Variants in RYR3 observed in about 807,000 individuals in gnomAD.
The protein encoded by RYR3 is ryanodine receptor 3, also known as brain ryanodine receptor-calcium release channel.
Under a neutral mutation model 584.3 loss-of-function variants are expected in RYR3, and 207 were observed. The observed-to-expected ratio is 0.35, with a 90% CI of 0.32 to 0.40. The LOEUF is 0.40. Among genes scored for constraint, RYR3 ranks in the 10% least tolerant of loss-of-function variants. The pLI is 1.00. For synonymous variants in RYR3, 2,416 were observed against 2,248.5 expected, an observed-to-expected ratio of 1.07 and a Z score of -2.11; for missense variants, 5,616 against 6,089.2, an observed-to-expected ratio of 0.92 and a Z score of 2.59.
intron 1 of RYR3, among the ~76,000 whole-genome samples, chr15:33,439,259 T>C (rs2676024): frequency 0.26 from 39,114 of 152,120 alleles, 7,634 homozygotes; most frequent in African/African-American, 0.55. Flanking sequence ...ATTGTATAGT[T>C]TTCATATGAC....
intron 38 of RYR3, among the ~76,000 whole-genome samples, chr15:33,686,427 ATAAT>A (rs1405841402): frequency 1.3e-5 from 2 of 152,202 alleles, no homozygotes; most frequent in Non-Finnish European, 2.9e-5. Context: ...AATTGAGGTA[ATAAT>A]TAATAGCCTA....
At chr15:33,443,439 A>G (rs2046385939) in intron 1 of RYR3, among the ~76,000 whole-genome samples, 1 of 152,212 alleles carries the variant, frequency 6.6e-6, no homozygotes, top group African/African-American at 2.4e-5. Context: ...CCCAAGTTGT[A>G]AACAATGGCT....
At chr15:33,591,271 C>G (rs182265480) in intron 16 of RYR3, among the ~76,000 whole-genome samples, 4 of 152,224 alleles carry the variant, frequency 2.6e-5, no homozygotes, top group African/African-American at 9.6e-5. Flanking sequence ...TTGGTCTCCT[C>G]TCTTATGATT....
chr15:33,500,541 G>T (rs914696260), intron 2 of RYR3, among the ~76,000 whole-genome samples: 1 of 152,194 alleles, frequency 6.6e-6, no homozygotes, highest in Non-Finnish European at 1.5e-5. Context: ...AAGGTTTCCT[G>T]TAGGACATTT....
At chr15:33,781,633 C>T (rs1221012456) in intron 65 of RYR3, among the ~76,000 whole-genome samples, 1 of 152,090 alleles carries the variant, frequency 6.6e-6, no homozygotes, top group African/African-American at 2.4e-5. Flanking sequence ...AGCACATTGC[C>T]CCCCAGAAAT....
chr15:33,636,549 T>C lies in RYR3; in HGVS notation c.3555T>C (p.Asn1185=). ...CCTTCGCTGACTACGAGATTGAGAA[T>C]GGTAAATCTAACACCCTCTGCCAAC... ...ELAFADYEIE[N]GFVPICCLGL... Residue 1185 remains asparagine, a splice_region_variant and synonymous_variant, in exon 27 of 104, where the codon AAT becomes AAC. Coordinates refer to ENST00000634891, the MANE Select transcript of RYR3 (RefSeq NM_001036.6). The C allele has an allele frequency of 6.3e-7, 1 of 1,582,016 alleles. No homozygotes were observed.
chr15:33,594,690 T>C (rs970984103), intron 16 of RYR3, among the ~76,000 whole-genome samples: 1 of 152,120 alleles, frequency 6.6e-6, no homozygotes, highest in African/African-American at 2.4e-5. Flanking sequence ...CCTGTTAGAG[T>C]CCTACAGCTG....
intron 1 of RYR3, among the ~76,000 whole-genome samples, chr15:33,464,463 G>T (rs957276444): frequency 7.6e-5 from 6 of 79,282 alleles, no homozygotes; most frequent in Non-Finnish European, 1.2e-4. Flanking sequence ...GGGAGGTGGA[G>T]ATATATATAT....
chr15:33,857,785 TCTGA>T lies in RYR3; in HGVS notation c.14017_14020del (p.Thr4673SerfsTer34), dbSNP rs778494609. On this transcript the variant is annotated frameshift_variant, in exon 99 of 104. Transcript: ENST00000634891. LOFTEE classifies it high-confidence loss of function. ...CTCTGTCCTCTCATTCCCAGTTGGTTCTGACTGTCGGTCTCCTGGCCGTGGTGGT... is the reference window on the plus strand; with the variant it reads ...CTCTGTCCTCTCATTCCCAGTTGGTTCTGTCGGTCTCCTGGCCGTGGTGGT... 8 of 1,613,932 alleles carry T rather than the reference TCTGA, an allele frequency of 5.0e-6. No homozygotes were observed. The highest frequency in any genetic ancestry group is 5.1e-6 in the Non-Finnish European group (6 of 1,179,916).
At chr15:33,783,462 T>C (rs1227957356) in intron 65 of RYR3, among the ~76,000 whole-genome samples, 1 of 152,222 alleles carries the variant, frequency 6.6e-6, no homozygotes, top group African/African-American at 2.4e-5. Flanking sequence ...GAATCACAAA[T>C]GTTTGTTCCA....
At chr15:33,801,999 C>A in intron 69 of RYR3, 38 bp downstream of exon 69, 1 of 1,244,852 alleles carries the variant, frequency 8.0e-7, no homozygotes, top group Non-Finnish European at 1.2e-6. Context: ...ACTCTTCAAC[C>A]CTAACCTCAG....
At chr15:33,542,558 A>G (rs1292328883) in intron 7 of RYR3, among the ~76,000 whole-genome samples, 1 of 152,164 alleles carries the variant, frequency 6.6e-6, no homozygotes, top group Non-Finnish European at 1.5e-5. Flanking sequence ...GAATTTTAGA[A>G]AAACTTGCCT....
chr15:33,370,363 T>C (rs2040243435), intron 1 of RYR3, among the ~76,000 whole-genome samples: 1 of 152,200 alleles, frequency 6.6e-6, no homozygotes, highest in Admixed American at 6.5e-5. Context: ...GTAATCATCA[T>C]GTCAGAAAAT....
At chr15:33,690,395 T>G (rs1343001101) in intron 38 of RYR3, among the ~76,000 whole-genome samples, 1 of 152,234 alleles carries the variant, frequency 6.6e-6, no homozygotes, top group Non-Finnish European at 1.5e-5. Flanking sequence ...CTGCCAGGAT[T>G]CAATTTTCAA....
At chr15:33,569,980 A>AT (rs1348139158) in intron 12 of RYR3, among the ~76,000 whole-genome samples, 1 of 151,762 alleles carries the variant, frequency 6.6e-6, no homozygotes, top group Non-Finnish European at 1.5e-5. Flanking sequence ...TCTGATTACA[A>AT]TTTTTTTGCC....
chr15:33,688,921 C>G (rs142722626), intron 38 of RYR3, among the ~76,000 whole-genome samples: 2 of 152,192 alleles, frequency 1.3e-5, no homozygotes, highest in South Asian at 2.1e-4. Context: ...AAGACACATG[C>G]GCACATATGT....
chr15:33,649,025 G>T, intron 30 of RYR3, 47 bp from the exon 31 acceptor site: 1 of 1,563,734 alleles, frequency 6.4e-7, no homozygotes. Flanking sequence ...ATCTTCAACT[G>T]GATGGGGGCT....
intron 94 of RYR3, chr15:33,852,202 C>T (rs760889924): frequency 6.6e-6 from 1 of 152,080 alleles, no homozygotes; most frequent in Non-Finnish European, 1.5e-5. Flanking sequence ...AATGCATGCA[C>T]CAAAGGCCAG....
intron 38 of RYR3, among the ~76,000 whole-genome samples, chr15:33,678,234 G>A (rs2064321424): frequency 6.6e-6 from 1 of 152,176 alleles, no homozygotes; most frequent in South Asian, 2.1e-4. Flanking sequence ...ATGTCGAATT[G>A]TAATCCCCAC....
Sources: gnomAD v4.1 joint callset for allele counts (sites outside exome capture counted in the v4.1 genomes callset) on GRCh38, gnomAD v4.1.1 for gene constraint, MANE v1.5 for transcripts, NCBI Gene and HGNC (gene_info 2026-07-23, HGNC 2026-07-21) for gene names.